The following VIRMA variants were observed in gnomAD, a reference collection of about 807,000 sequenced individuals.
The protein encoded by VIRMA is vir like m6A methyltransferase associated.
In VIRMA, 65 loss-of-function variants were observed where a neutral mutation model predicts 182.4. The ratio of observed to expected loss-of-function variants is 0.36; its 90% CI spans 0.29 to 0.44. VIRMA has a LOEUF of 0.44. Among genes scored for constraint, VIRMA ranks in the 20% least tolerant of loss-of-function variants. The probability of loss-of-function intolerance (pLI) is 1.00; values close to 1 mark genes in which losing one functional copy is unlikely to be tolerated. For synonymous variants in VIRMA, 709 were observed against 743.1 expected (o/e 0.95, Z 0.75); for missense variants, 1,752 against 2,158.1 (o/e 0.81, Z 3.73).
intron 3 of VIRMA, among the ~76,000 whole-genome samples, chr8:94,537,572 T>TA (rs915439205): frequency 1.7e-4 from 26 of 151,276 alleles, no homozygotes; most frequent in African/African-American, 4.6e-4. Flanking sequence ...GCCCTTCATT[T>TA]AAAAAAAAAG....
chr8:94,553,286 G>T, intron 1 of VIRMA, 99 bp downstream of exon 1: 1 of 1,200,656 alleles, frequency 8.3e-7, no homozygotes, highest in Non-Finnish European at 1.2e-6. Flanking sequence ...AGAAATTAAA[G>T]AAGCAATCTG....
At position 94,489,992 on chromosome 8, in the gene VIRMA, T is replaced by C; in HGVS notation, c.5231A>G (p.Gln1744Arg). Residue 1744 changes from glutamine to arginine, a missense_variant, in exon 23 of 24, where the codon CAG becomes CGG. Gln to Arg is a conservative substitution (Grantham distance 43, BLOSUM62 1). Around this residue, in one of 11 missense-constraint regions of VIRMA, gnomAD observed 132 missense variants for 173.8 expected, o/e 0.76. Transcript: ENST00000297591. ...AAGAGGGCCTCTGTTAAAATTGCTC[T>C]GGCCTCCACGACTTTCATTGTAATT... ...RGNYNESRGG[Q>R]SNFNRGPLPP... The C allele has an allele frequency of 1.2e-6, 2 of 1,614,212 alleles. No homozygotes were observed. The highest frequency in any genetic ancestry group is 8.5e-7 in the Non-Finnish European group (1 of 1,180,024).
At chr8:94,551,241 C>T (rs1312985745) in intron 1 of VIRMA, among the ~76,000 whole-genome samples, 1 of 152,210 alleles carries the variant, frequency 6.6e-6, no homozygotes, top group Non-Finnish European at 1.5e-5. Context: ...TCCTGATACA[C>T]TCAAATGAAA....
chr8:94,534,975 C>T lies in VIRMA; in HGVS notation c.348G>A (p.Trp116Ter). 1 of 1,611,274 alleles carries T rather than the reference C, an allele frequency of 6.2e-7. No individual in the cohort carries two copies. The highest frequency in any genetic ancestry group is 8.5e-7 in the Non-Finnish European group (1 of 1,179,344). Residue 116 changes from tryptophan (W) to a stop codon, truncating the protein, a stop_gained, in exon 5 of 24, where the codon TGG becomes TGA. Transcript: ENST00000297591. LOFTEE classifies it high-confidence loss of function. ...ATATTGCCAGTGTCAGACAGTTATA[C>T]CAGCCTCTTAGCACCAGACCATCAG... ...VNTDGLVLRG[W>*]YNCLTLAIYG...
At chr8:94,528,043 G>T (rs528272170) in intron 7 of VIRMA, among the ~76,000 whole-genome samples, 3 of 152,094 alleles carry the variant, frequency 2.0e-5, no homozygotes, top group African/African-American at 2.4e-5. Flanking sequence ...GACCAGCCTG[G>T]CCAACATGGT....
chr8:94,552,517 G>A (rs145613101), intron 1 of VIRMA, among the ~76,000 whole-genome samples: 116 of 150,336 alleles, frequency 7.7e-4, no homozygotes, highest in Middle Eastern at 3.4e-3. Flanking sequence ...TCCAAAGAAA[G>A]AACAGTTCTC....
At chr8:94,540,327 G>T (rs187766069) in intron 2 of VIRMA, among the ~76,000 whole-genome samples, 1 of 152,052 alleles carries the variant, frequency 6.6e-6, no homozygotes, top group East Asian at 1.9e-4. Context: ...TATTATAAAT[G>T]AAATAAAGGA....
chr8:94,517,681 G>T, intron 10 of VIRMA, 107 bp downstream of exon 10: 1 of 660,766 alleles, frequency 1.5e-6, no homozygotes, highest in Non-Finnish European at 2.4e-6. Context: ...GTTAAAAACA[G>T]TATTACTAGG....
At chr8:94,528,758 C>T (rs886080639) in intron 7 of VIRMA, among the ~76,000 whole-genome samples, 7 of 152,204 alleles carry the variant, frequency 4.6e-5, no homozygotes, top group Non-Finnish European at 1.0e-4. Flanking sequence ...GTATTTGTTA[C>T]ATGACCCTGT....
intron 8 of VIRMA, among the ~76,000 whole-genome samples, chr8:94,524,873 A>T (rs901088021): frequency 1.3e-5 from 2 of 152,206 alleles, no homozygotes; most frequent in South Asian, 4.1e-4. Flanking sequence ...ACAACAAACC[A>T]TTCACTGGTT....
intron 16 of VIRMA, among the ~76,000 whole-genome samples, chr8:94,505,673 T>A (rs531004056): frequency 7.0e-4 from 107 of 152,022 alleles, no homozygotes; most frequent in African/African-American, 2.5e-3. Context: ...TTTATAGAGA[T>A]AAGTCTCCCT....
chr8:94,547,533 T>C lies in VIRMA; in HGVS notation c.64-3591A>G, dbSNP rs1815811018. 2.6e-5 allele frequency among the ~76,000 whole-genome samples: 4 copies of C among 151,158 alleles called. No homozygotes were observed. The South Asian group carries it at 8.3e-4, about 31-fold the overall frequency. On this transcript the variant is annotated intron_variant, in intron 1 of 23. Coordinates refer to ENST00000297591, the MANE Select transcript of VIRMA (RefSeq NM_015496.5). ...TACTGCTACCACTTCCTTTTTCACT[T>C]CTGCAGATGAGTTCCTAATTGGTTT...
intron 4 of VIRMA, among the ~76,000 whole-genome samples, chr8:94,536,518 CCTGTCGT>C (rs1815348372): frequency 6.6e-6 from 1 of 152,194 alleles, no homozygotes; most frequent in African/African-American, 2.4e-5. Flanking sequence ...AATTTGCCTG[CCTGTCGT>C]CTTCTGAACT....
rs1258230805 is a variant in VIRMA at position 94,517,810 on chromosome 8, A to G, written c.2646T>C (p.Asp882=). ...AASLLKLCKA[D]ENNAKLQELG... ...TACCTTGCAATTTAGCATTATTTTCATCTGCTTTACAAAGCTTCAAGAGAG... is the reference window on the plus strand; with the variant it reads ...TACCTTGCAATTTAGCATTATTTTCGTCTGCTTTACAAAGCTTCAAGAGAG... Residue 882 remains aspartate (D), a synonymous_variant, in exon 10 of 24, where the codon GAT becomes GAC. Transcript: ENST00000297591. 1.9e-6 allele frequency: 3 copies of G among 1,607,646 alleles called. No homozygotes were observed. Among genetic ancestry groups the G allele is most frequent in the Admixed American group, 1.7e-5 (1 of 59,386 alleles).
intron 4 of VIRMA, among the ~76,000 whole-genome samples, 162 bp from the exon 5 acceptor site, chr8:94,535,169 T>A (rs1223554166): frequency 1.3e-5 from 2 of 152,164 alleles, no homozygotes; most frequent in Non-Finnish European, 2.9e-5. Context: ...CAGCTTTTAG[T>A]GTGGTTCTCC....
chr8:94,509,417 A>G (rs116443017), intron 15 of VIRMA, among the ~76,000 whole-genome samples: 4,022 of 152,004 alleles, frequency 0.026, 193 homozygotes, highest in African/African-American at 0.092. Context: ...AAAAAAAAGA[A>G]TGACTTGGTG....
At chr8:94,542,499 A>G (rs1259941353) in intron 2 of VIRMA, among the ~76,000 whole-genome samples, 1 of 152,234 alleles carries the variant, frequency 6.6e-6, no homozygotes, top group Non-Finnish European at 1.5e-5. Context: ...GTGAGATAAT[A>G]AATGTGTAGT....
chr8:94,536,349 T>C (rs957924105), intron 4 of VIRMA, among the ~76,000 whole-genome samples: 1 of 152,212 alleles, frequency 6.6e-6, no homozygotes, highest in Non-Finnish European at 1.5e-5. Context: ...AGTAGTCCCA[T>C]ACCAGGTCAT....
chr8:94,547,395 G>T (rs1274642698), intron 1 of VIRMA, among the ~76,000 whole-genome samples: 3 of 151,010 alleles, frequency 2.0e-5, no homozygotes, highest in Admixed American at 2.0e-4. Context: ...ATTATCTTTG[G>T]AAGGAGTCAT....
Sources: gnomAD v4.1 joint callset for allele counts (sites outside exome capture counted in the v4.1 genomes callset) on GRCh38, gnomAD v4.1.1 for gene constraint, gnomAD v4.1.1 regional missense constraint, MANE v1.5 for transcripts, NCBI Gene and HGNC (gene_info 2026-07-23, HGNC 2026-07-21) for gene names.